The following CSMD1 variants were observed in gnomAD, a reference collection of about 807,000 sequenced individuals.
The protein encoded by CSMD1 is CUB and sushi domain-containing protein 1.
In CSMD1, 213 loss-of-function variants were observed where a neutral mutation model predicts 417.5. That is an observed-to-expected ratio of 0.51 (90% CI 0.46 to 0.57). The LOEUF is 0.57. Among genes scored for constraint, CSMD1 ranks in the 20% least tolerant of loss-of-function variants. The pLI is 0.00. For synonymous variants in CSMD1, 2,862 were observed against 1,736.8 expected, an observed-to-expected ratio of 1.65 and a Z score of -16.11; for missense variants, 6,923 against 4,529.7, an observed-to-expected ratio of 1.53 and a Z score of -15.17.
intron 3 of CSMD1, among the ~76,000 whole-genome samples, chr8:4,272,214 G>A (rs1466311534): frequency 6.6e-6 from 1 of 152,024 alleles, no homozygotes. Flanking sequence ...AGTACTTTAT[G>A]GCTTAGTACT....
chr8:3,753,566 A>G (rs779227405), intron 6 of CSMD1, among the ~76,000 whole-genome samples: 1 of 152,204 alleles, frequency 6.6e-6, no homozygotes, highest in Non-Finnish European at 1.5e-5. Flanking sequence ...GTGCATTTTC[A>G]TGCAACCTAT....
At chr8:3,110,050 C>T in intron 43 of CSMD1, 108 bp downstream of exon 43, 1 of 929,516 alleles carries the variant, frequency 1.1e-6, no homozygotes, top group Non-Finnish European at 1.6e-6. Context: ...TCTCTAGTAT[C>T]TAAGAAGTTT....
intron 1 of CSMD1, among the ~76,000 whole-genome samples, chr8:4,956,631 G>C (rs902429952): frequency 1.3e-5 from 2 of 151,566 alleles, no homozygotes; most frequent in Non-Finnish European, 2.9e-5. Context: ...TGTAAATGCA[G>C]AAAATTACTG....
At chr8:4,732,385 T>TGTGTGTGTGGC (rs1563244669) in intron 1 of CSMD1, among the ~76,000 whole-genome samples, 1 of 75,278 alleles carries the variant, frequency 1.3e-5, no homozygotes, top group African/African-American at 4.9e-5. Flanking sequence ...GTGTGTGTAG[T>TGTGTGTGTGGC]GTTTTTCCCC....
intron 3 of CSMD1, among the ~76,000 whole-genome samples, chr8:4,322,261 A>G (rs1799310701): frequency 6.6e-6 from 1 of 152,238 alleles, no homozygotes; most frequent in Non-Finnish European, 1.5e-5. Context: ...TATTTAAAAT[A>G]GTTTAAACAT....
At chr8:4,652,742 C>A (rs979199782) in intron 1 of CSMD1, among the ~76,000 whole-genome samples, 3 of 152,088 alleles carry the variant, frequency 2.0e-5, no homozygotes, top group African/African-American at 7.2e-5. Flanking sequence ...AGTCTCCAGG[C>A]TTTTTGGCAC....
At chr8:3,948,335 G>C (rs1169270132) in intron 5 of CSMD1, among the ~76,000 whole-genome samples, 1 of 152,042 alleles carries the variant, frequency 6.6e-6, no homozygotes, top group Non-Finnish European at 1.5e-5. Flanking sequence ...TTAGAATTTG[G>C]GACAGAGGCT....
At chr8:3,502,626 G>T (rs1796654254) in intron 10 of CSMD1, among the ~76,000 whole-genome samples, 1 of 152,136 alleles carries the variant, frequency 6.6e-6, no homozygotes, top group Non-Finnish European at 1.5e-5. Flanking sequence ...GTGACGTGTT[G>T]CAACATTTCA....
At chr8:3,921,876 T>C in intron 5 of CSMD1, among the ~76,000 whole-genome samples, 1 of 152,138 alleles carries the variant, frequency 6.6e-6, no homozygotes, top group East Asian at 1.9e-4. Context: ...GTCTGGAAGG[T>C]TCTGCATGTG....
In CSMD1 at chr8:3,833,898, T is replaced by A. The variant is rs1015916533; in HGVS notation, c.819-79856A>T. On this transcript the variant is annotated intron_variant, in intron 5 of 69. Coordinates refer to ENST00000635120, the MANE Select transcript of CSMD1 (RefSeq NM_033225.6). Reference sequence around the variant, plus strand: ...GTAGTTGTAAACACCAAGTCTATAATCCTATTTTGTGAAATATCAAATTTA... The same window carrying A: ...GTAGTTGTAAACACCAAGTCTATAAACCTATTTTGTGAAATATCAAATTTA... 2.6e-5 allele frequency among the ~76,000 whole-genome samples: 4 copies of A among 152,192 alleles called. No homozygotes were observed. The East Asian group carries it at 7.7e-4, about 29-fold the overall frequency.
chr8:3,186,460 G>C (rs550460718), intron 36 of CSMD1, among the ~76,000 whole-genome samples: 1 of 152,178 alleles, frequency 6.6e-6, no homozygotes, highest in African/African-American at 2.4e-5. Context: ...ATGATAGATT[G>C]GCACTTTATT....
chr8:3,709,892 T>C (rs769417970), intron 6 of CSMD1, among the ~76,000 whole-genome samples: 7 of 147,932 alleles, frequency 4.7e-5, no homozygotes, highest in Non-Finnish European at 1.0e-4. Flanking sequence ...AGGAGATTCA[T>C]ATAGATATGA....
chr8:4,268,871 A>G lies in CSMD1; in HGVS notation c.415+151082T>C, dbSNP rs146115576. 6.6e-3 allele frequency among the ~76,000 whole-genome samples: 1,007 copies of G among 152,324 alleles called. 13 individuals carry two copies. The highest frequency in any genetic ancestry group is 0.023 in the African/African-American group (961 of 41,570). ...ATTTTCATAAAACAAATCCCTTTCCACATAGAATGTTTATTCATAATGCAT... is the reference window on the plus strand; with the variant it reads ...ATTTTCATAAAACAAATCCCTTTCCGCATAGAATGTTTATTCATAATGCAT... On this transcript the variant is annotated intron_variant, in intron 3 of 69. Transcript: ENST00000635120.
At position 4,303,475 on chromosome 8, in the gene CSMD1, T is replaced by G. The variant is rs142551409; in HGVS notation, c.415+116478A>C. On this transcript the variant is annotated intron_variant, in intron 3 of 69. Coordinates refer to ENST00000635120, the MANE Select transcript of CSMD1 (RefSeq NM_033225.6). The stretch of plus-strand genomic sequence containing the variant: ...TTTTTTTGAGTTCTCTGTGCTGAGC[T>G]CATGTTGATTTTCAATCTCCTTACC... 6.5e-3 allele frequency among the ~76,000 whole-genome samples: 803 copies of G among 124,294 alleles called. 16 individuals carry two copies. Among genetic ancestry groups the G allele is most frequent in the African/African-American group, 0.023 (764 of 32,896 alleles). The allele number at this position is 124,294 out of a possible 152,430, so 81.5% of individuals were successfully genotyped here. A position where few individuals can be genotyped will look rare whatever the true frequency, so the allele number is the denominator to read the frequency against.
intron 7 of CSMD1, among the ~76,000 whole-genome samples, chr8:3,653,350 C>T (rs12548261): frequency 0.13 from 19,987 of 151,970 alleles, 1,845 homozygotes; most frequent in African/African-American, 0.26. Flanking sequence ...CTTTTGTTGT[C>T]CGGGCTGTAC....
rs534230646 is a variant in CSMD1, at chr8:4,637,806, G to A, written c.86-248C>T. ...CTGCCTCAGCCTCCCGAGTAGGTGG[G>A]ACTACAGGCGCCCGCCACCGCGCCC... On this transcript the variant is annotated intron_variant, in intron 1 of 69. Transcript: ENST00000635120. Among the ~76,000 whole-genome samples the A allele has an allele frequency of 4.0e-3, 604 of 151,826 alleles. 3 individuals carry two copies. Among genetic ancestry groups the A allele is most frequent in the Non-Finnish European group, 6.3e-3 (427 of 67,878 alleles).
intron 1 of CSMD1, among the ~76,000 whole-genome samples, chr8:4,966,891 A>G (rs2117361545): frequency 6.6e-6 from 1 of 152,312 alleles, no homozygotes; most frequent in Non-Finnish European, 1.5e-5. Context: ...AAGCACGGTT[A>G]AAAATATCAA....
chr8:3,737,148 G>C (rs1796562073), intron 6 of CSMD1, among the ~76,000 whole-genome samples: 1 of 152,186 alleles, frequency 6.6e-6, no homozygotes, highest in Non-Finnish European at 1.5e-5. Flanking sequence ...TGGGAACAGA[G>C]ACAATTAGTT....
chr8:4,939,923 T>G (rs555853239), intron 1 of CSMD1, among the ~76,000 whole-genome samples: 1 of 152,234 alleles, frequency 6.6e-6, no homozygotes, highest in African/African-American at 2.4e-5. Flanking sequence ...ATATACAATT[T>G]TGATTTGTCA....
Sources: allele counts gnomAD v4.1 joint callset (sites outside exome capture counted in the v4.1 genomes callset), GRCh38; gene constraint gnomAD v4.1.1; transcripts MANE v1.5; gene names NCBI Gene and HGNC (gene_info 2026-07-23, HGNC 2026-07-21).